The following TOMM70 variants were observed in gnomAD, a reference collection of about 807,000 sequenced individuals.
TOMM70 encodes translocase of outer mitochondrial membrane 70, also known as mitochondrial import receptor subunit TOM70.
Under a neutral mutation model 73.6 loss-of-function variants are expected in TOMM70, and 13 were observed. The ratio of observed to expected loss-of-function variants is 0.18; its 90% CI spans 0.11 to 0.28. The LOEUF (loss-of-function observed/expected upper bound fraction) is 0.28. TOMM70 is among the 10% of genes least tolerant of loss of function. TOMM70 has a pLI of 1.00. For synonymous variants in TOMM70, 257 were observed against 271.2 expected (o/e 0.95, Z 0.51); for missense variants, 609 against 747.5 (o/e 0.81, Z 2.16).
intron 9 of TOMM70, among the ~76,000 whole-genome samples, chr3:100,371,259 A>ATTT (rs61515802): frequency 1.5e-4 from 15 of 98,648 alleles, no homozygotes; most frequent in East Asian, 3.0e-4. Context: ...CAGCGATGGT[A>ATTT]TTTTTTTTTT....
chr3:100,392,731 A>G (rs1706776913), intron 1 of TOMM70, among the ~76,000 whole-genome samples: 2 of 152,070 alleles, frequency 1.3e-5, no homozygotes, highest in Admixed American at 1.3e-4. Flanking sequence ...AGATTTCTTA[A>G]AGAACTAGAA....
chr3:100,370,790 G>A (rs1706501308), intron 9 of TOMM70, among the ~76,000 whole-genome samples: 1 of 152,194 alleles, frequency 6.6e-6, no homozygotes, highest in African/African-American at 2.4e-5. Flanking sequence ...ATGCTGATGA[G>A]AAGACAGCTC....
At chr3:100,365,790 G>A (rs1706442650) in intron 11 of TOMM70, 73 bp from the exon 12 acceptor site, 7 of 1,529,006 alleles carry the variant, frequency 4.6e-6, no homozygotes, top group East Asian at 2.3e-5. Context: ...TGTAAGTGAT[G>A]GTACATGAAG....
intron 8 of TOMM70, 98 bp from the exon 9 acceptor site, chr3:100,372,820 C>G: frequency 9.6e-7 from 1 of 1,043,376 alleles, no homozygotes; most frequent in South Asian, 1.5e-5. Flanking sequence ...TCCAAAAAAA[C>G]AGGTGATTTG....
chr3:100,398,984 T>G lies in TOMM70; in HGVS notation c.324+1642A>C, dbSNP rs184580809. On this transcript the variant is annotated intron_variant, in intron 1 of 11. Transcript: ENST00000284320. ...TTCCTTTAAAGCTAATTTGACATCC[T>G]AGTAAAAATATCTTCGCCCGGGCGC... is the stretch of plus-strand genomic sequence containing the variant. Among the ~76,000 whole-genome samples, 92 of 152,280 alleles carry G rather than the reference T, an allele frequency of 6.0e-4. 1 individual carries two copies. The highest frequency in any genetic ancestry group is 2.1e-3 in the African/African-American group (87 of 41,556).
Position 100,373,377 on chromosome 3 carries a change from A to T in TOMM70, c.1335+161T>A, listed in dbSNP as rs541646314. ...GATGAACCCAAACAAATGTCCAGAG[A>T]AATACAAGAGCTAGGTATCAATCAG... is the stretch of plus-strand genomic sequence containing the variant. On this transcript the variant is annotated intron_variant, in intron 8 of 11. Coordinates refer to ENST00000284320, the MANE Select transcript of TOMM70 (RefSeq NM_014820.5). Among the ~76,000 whole-genome samples the T allele has an allele frequency of 5.3e-5, 8 of 152,328 alleles. No individual in the cohort carries two copies. In the East Asian group the frequency reaches 1.3e-3, roughly 26 times the overall value.
intron 1 of TOMM70, among the ~76,000 whole-genome samples, chr3:100,390,543 T>C (rs1706746822): frequency 6.6e-6 from 1 of 152,080 alleles, no homozygotes; most frequent in Non-Finnish European, 1.5e-5. Flanking sequence ...TAGCATATAT[T>C]GGGGCCGGGT....
At position 100,400,983 on chromosome 3, in the gene TOMM70, T is replaced by C; in HGVS notation, c.-34A>G. ...TCCTCTGCCACCGCCTCCCTGTCTG[T>C]CGCGAGCGCCACAATCACCAAACAG... On this transcript the variant is annotated 5_prime_UTR_variant, in exon 1 of 12. Transcript: ENST00000284320. The C allele has an allele frequency of 2.6e-6, 4 of 1,523,090 alleles. No homozygotes were observed. In the South Asian group the frequency reaches 4.8e-5, roughly 18 times the overall value. The allele number at this position is 1,523,090 out of a possible 1,614,324, so 94.3% of individuals were successfully genotyped here.
chr3:100,394,462 A>G (rs1437657834), intron 1 of TOMM70, among the ~76,000 whole-genome samples: 1 of 151,880 alleles, frequency 6.6e-6, no homozygotes, highest in Non-Finnish European at 1.5e-5. Flanking sequence ...TTACTGTATG[A>G]GAAACAATGT....
At chr3:100,395,494 G>C (rs1706815418) in intron 1 of TOMM70, among the ~76,000 whole-genome samples, 1 of 142,802 alleles carries the variant, frequency 7.0e-6, no homozygotes, top group Non-Finnish European at 1.5e-5. Context: ...GGTGAGCAGA[G>C]ATTGCACCAC....
intron 9 of TOMM70, among the ~76,000 whole-genome samples, chr3:100,371,259 A>ATTTTTTT (rs61515802): frequency 3.0e-5 from 3 of 98,668 alleles, no homozygotes; most frequent in African/African-American, 3.9e-5. Flanking sequence ...CAGCGATGGT[A>ATTTTTTT]TTTTTTTTTT....
intron 1 of TOMM70, among the ~76,000 whole-genome samples, chr3:100,392,393 T>C (rs1706773738): frequency 6.6e-6 from 1 of 152,166 alleles, no homozygotes; most frequent in Non-Finnish European, 1.5e-5. Context: ...TTGGGAAACA[T>C]ATCTTTTCAA....
chr3:100,398,353 C>G (rs548157768), intron 1 of TOMM70, among the ~76,000 whole-genome samples: 110 of 142,094 alleles, frequency 7.7e-4, no homozygotes, highest in African/African-American at 2.8e-3. Context: ...CACTGCACTC[C>G]AGCCTGGGTG....
In TOMM70 at chr3:100,386,247, T is replaced by G; in HGVS notation, c.596A>C (p.Lys199Thr). Residue 199 changes from lysine (K) to threonine (T), a missense_variant, in exon 3 of 12, where the codon AAG becomes ACG. This residue lies in a region of TOMM70 where 432 missense variants were observed against 584.1 expected (regional missense o/e 0.74). Transcript: ENST00000284320. Reference sequence around the variant, plus strand: ...TAAACATTCCTTCTTATTGTCTAGCTTCTCATGGGCTTTTGCACGTCTAAA... The same window carrying G: ...TAAACATTCCTTCTTATTGTCTAGCGTCTCATGGGCTTTTGCACGTCTAAA... ...ALFRRAKAHEKLDNKKECLED... is the reference protein window; with the variant it reads ...ALFRRAKAHETLDNKKECLED... The G allele has an allele frequency of 6.2e-7, 1 of 1,612,698 alleles. No individual in the cohort carries two copies. The highest frequency in any genetic ancestry group is 8.5e-7 in the Non-Finnish European group (1 of 1,179,290).
chr3:100,386,176 A>G (rs1365169255), intron 3 of TOMM70, 42 bp downstream of exon 3: 1 of 1,586,574 alleles, frequency 6.3e-7, no homozygotes, highest in Non-Finnish European at 8.6e-7. Context: ...TGACTACAAA[A>G]TATTAAGTAA....
At chr3:100,389,068 T>C (rs1209372838) in intron 1 of TOMM70, among the ~76,000 whole-genome samples, 1 of 151,130 alleles carries the variant, frequency 6.6e-6, no homozygotes, top group Non-Finnish European at 1.5e-5. Flanking sequence ...ATTCTCGGAG[T>C]TGAAGAAAAA....
intron 6 of TOMM70, among the ~76,000 whole-genome samples, chr3:100,376,107 C>T (rs1199462173): frequency 6.6e-6 from 1 of 152,102 alleles, no homozygotes; most frequent in Non-Finnish European, 1.5e-5. Context: ...AGTGGCATCT[C>T]ATGGTGGTTT....
At position 100,394,484 on chromosome 3, in the gene TOMM70, T is replaced by C. The variant is rs1466146569; in HGVS notation, c.324+6142A>G. Among the ~76,000 whole-genome samples, 96 of 151,246 alleles carry C rather than the reference T, an allele frequency of 6.3e-4. 1 individual carries two copies. The highest frequency in any genetic ancestry group is 1.2e-4 in the Non-Finnish European group (8 of 67,496). ...ATGAGAAACAATGTTTCAATACTTA[T>C]TGACCAATTGTTACTTACTTACTTT... On this transcript the variant is annotated intron_variant, in intron 1 of 11. Transcript: ENST00000284320.
chr3:100,387,008 C>G, intron 1 of TOMM70, 30 bp from the exon 2 acceptor site: 1 of 1,604,982 alleles, frequency 6.2e-7, no homozygotes, highest in Non-Finnish European at 8.5e-7. Context: ...TTATCAAACA[C>G]TAATCAACAT....
Sources: allele counts gnomAD v4.1 joint callset (sites outside exome capture counted in the v4.1 genomes callset), GRCh38; gene constraint gnomAD v4.1.1; regional missense constraint gnomAD v4.1.1; transcripts MANE v1.5; gene names NCBI Gene and HGNC (gene_info 2026-07-23, HGNC 2026-07-21).